The following COL25A1 variants were observed in gnomAD, a reference collection of about 807,000 sequenced individuals.
COL25A1 encodes the protein collagen alpha-1(XXV) chain.
In COL25A1, 103 loss-of-function variants were observed where a neutral mutation model predicts 128.4. That is an observed-to-expected ratio of 0.80 (90% CI 0.68 to 0.94). The LOEUF (loss-of-function observed/expected upper bound fraction) is 0.94. COL25A1 is among the 40% of genes least tolerant of loss of function. The pLI is 0.00. For synonymous variants in COL25A1, 279 were observed against 277.2 expected, an observed-to-expected ratio of 1.01 and a Z score of -0.06; for missense variants, 745 against 840.0, an observed-to-expected ratio of 0.89 and a Z score of 1.40.
chr4:108,944,831 A>C (rs1247298637), intron 8 of COL25A1, among the ~76,000 whole-genome samples: 1 of 152,190 alleles, frequency 6.6e-6, no homozygotes, highest in Non-Finnish European at 1.5e-5. Context: ...CTATTTGAGG[A>C]AGCTGATTTA....
At chr4:108,836,596 G>A (rs530828805) in intron 31 of COL25A1, among the ~76,000 whole-genome samples, 41 of 152,204 alleles carry the variant, frequency 2.7e-4, no homozygotes, top group Admixed American at 8.5e-4. Flanking sequence ...AGCTGTGAGT[G>A]TATCATTAGA....
At chr4:108,906,248 C>A (rs576970955) in intron 13 of COL25A1, among the ~76,000 whole-genome samples, 137 of 152,282 alleles carry the variant, frequency 9.0e-4, no homozygotes, top group African/African-American at 3.2e-3. Flanking sequence ...GAACCCCGCC[C>A]CCACCTTGCT....
At chr4:109,138,997 A>T (rs1458722249) in intron 3 of COL25A1, among the ~76,000 whole-genome samples, 1 of 151,956 alleles carries the variant, frequency 6.6e-6, no homozygotes, top group Non-Finnish European at 1.5e-5. Flanking sequence ...ATGAGCCACC[A>T]CACCCAGCCT....
At chr4:109,248,891 T>C (rs2126240398) in intron 3 of COL25A1, among the ~76,000 whole-genome samples, 1 of 152,274 alleles carries the variant, frequency 6.6e-6, no homozygotes, top group East Asian at 1.9e-4. Flanking sequence ...GGCCAAAAAT[T>C]TTCTGATTGC....
At chr4:109,030,914 A>G (rs1345523014) in intron 5 of COL25A1, among the ~76,000 whole-genome samples, 1 of 151,560 alleles carries the variant, frequency 6.6e-6, no homozygotes, top group Non-Finnish European at 1.5e-5. Context: ...AACGTTTTGT[A>G]TTTGTTTGTA....
intron 6 of COL25A1, among the ~76,000 whole-genome samples, chr4:108,981,329 A>AT (rs946544524): frequency 2.0e-5 from 3 of 152,188 alleles, no homozygotes; most frequent in Admixed American, 6.5e-5. Flanking sequence ...ACTGGCACAC[A>AT]TTTTTTAGAG....
At chr4:109,083,501 C>T (rs953982700) in intron 3 of COL25A1, among the ~76,000 whole-genome samples, 9 of 117,190 alleles carry the variant, frequency 7.7e-5, no homozygotes, top group Non-Finnish European at 1.1e-4. Context: ...CTCGCTCTGT[C>T]GCCCAGGCTG....
intron 11 of COL25A1, among the ~76,000 whole-genome samples, chr4:108,933,401 G>A (rs780809774): frequency 1.7e-4 from 26 of 152,260 alleles, no homozygotes; most frequent in Admixed American, 5.9e-4. Context: ...ATAAGTGGGC[G>A]AGAAGGAGAA....
At chr4:109,246,318 AAAC>A (rs1780265203) in intron 3 of COL25A1, among the ~76,000 whole-genome samples, 1 of 152,180 alleles carries the variant, frequency 6.6e-6, no homozygotes, top group Non-Finnish European at 1.5e-5. Context: ...TAGAGCTAGA[AAAC>A]TACTAGTTCT....
chr4:109,300,483 C>A, intron 3 of COL25A1, 100 bp downstream of exon 3: 1 of 784,368 alleles, frequency 1.3e-6, no homozygotes, highest in Non-Finnish European at 2.2e-6. Flanking sequence ...GGTCTGCATT[C>A]TTTCTTTACT....
chr4:109,293,014 A>G (rs1003636175), intron 3 of COL25A1, among the ~76,000 whole-genome samples: 4 of 152,048 alleles, frequency 2.6e-5, no homozygotes, highest in African/African-American at 9.7e-5. Flanking sequence ...ATCATATATT[A>G]TCTTAAAATG....
chr4:109,139,000 C>T (rs976767502), intron 3 of COL25A1, among the ~76,000 whole-genome samples: 2 of 152,200 alleles, frequency 1.3e-5, no homozygotes, highest in African/African-American at 4.8e-5. Flanking sequence ...AGCCACCACA[C>T]CCAGCCTTTT....
At chr4:108,992,527 G>T (rs1754326536) in intron 6 of COL25A1, among the ~76,000 whole-genome samples, 1 of 152,148 alleles carries the variant, frequency 6.6e-6, no homozygotes, top group East Asian at 1.9e-4. Context: ...TATTTTCTAT[G>T]ATAGTCCCAA....
intron 11 of COL25A1, among the ~76,000 whole-genome samples, chr4:108,931,862 T>A (rs1193796716): frequency 2.0e-5 from 3 of 152,318 alleles, no homozygotes; most frequent in African/African-American, 7.2e-5. Context: ...GCCCTGCAGG[T>A]GTGCCATTTA....
intron 5 of COL25A1, among the ~76,000 whole-genome samples, chr4:109,015,959 T>TA (rs1560543810): frequency 6.6e-6 from 1 of 152,216 alleles, no homozygotes; most frequent in Non-Finnish European, 1.5e-5. Flanking sequence ...GCCAGGGCTG[T>TA]ATGCTCCATG....
At chr4:109,171,233 T>C (rs942272702) in intron 3 of COL25A1, among the ~76,000 whole-genome samples, 3 of 152,316 alleles carry the variant, frequency 2.0e-5, no homozygotes, top group African/African-American at 4.8e-5. Flanking sequence ...CCCAAAGTTC[T>C]CATTCCTTGT....
chr4:109,229,264 G>T (rs1428414090), intron 3 of COL25A1, among the ~76,000 whole-genome samples: 1 of 152,158 alleles, frequency 6.6e-6, no homozygotes, highest in East Asian at 1.9e-4. Context: ...ATTTGCAAAA[G>T]TTATAGTGTA....
At chr4:109,132,956 T>A (rs1769373948) in intron 3 of COL25A1, among the ~76,000 whole-genome samples, 1 of 152,142 alleles carries the variant, frequency 6.6e-6, no homozygotes, top group Admixed American at 6.5e-5. Context: ...TGTATTCATT[T>A]AAATTTTTCA....
intron 3 of COL25A1, among the ~76,000 whole-genome samples, chr4:109,061,006 A>G (rs1761917649): frequency 6.6e-6 from 1 of 152,166 alleles, no homozygotes; most frequent in African/African-American, 2.4e-5. Context: ...ACCTATTTTC[A>G]TCATGCAATT....
Sources: gnomAD v4.1 joint callset for allele counts (sites outside exome capture counted in the v4.1 genomes callset) on GRCh38, gnomAD v4.1.1 for gene constraint, MANE v1.5 for transcripts, NCBI Gene and HGNC (gene_info 2026-07-23, HGNC 2026-07-21) for gene names.